ANK3: variants seen among roughly 807,000 people sequenced by gnomAD.
ANK3 encodes ankyrin-3.
In ANK3, 57 loss-of-function variants were observed where a neutral mutation model predicts 370.9. The ratio of observed to expected loss-of-function variants is 0.15; its 90% CI spans 0.12 to 0.19. The LOEUF is 0.19. ANK3 is among the 10% of genes least tolerant of loss of function. The pLI, the probability that ANK3 is intolerant of heterozygous loss-of-function variation, is 1.00. For synonymous variants in ANK3, 1,929 were observed against 1,946.3 expected (o/e 0.99, Z 0.23); for missense variants, 4,439 against 5,302.1 (o/e 0.84, Z 5.06).
chr10:60,583,778 G>A (rs2133283577), intron 2 of ANK3, among the ~76,000 whole-genome samples: 1 of 152,118 alleles, frequency 6.6e-6, no homozygotes, highest in African/African-American at 2.4e-5. Flanking sequence ...TAGAGACAGG[G>A]TTTCACTATG....
intron 8 of ANK3, among the ~76,000 whole-genome samples, chr10:60,230,970 T>C (rs570091959): frequency 1.3e-5 from 2 of 152,134 alleles, no homozygotes; most frequent in East Asian, 1.9e-4. Flanking sequence ...AAGATTCATG[T>C]GCAATCATCC....
At chr10:60,458,317 C>T (rs2064800005) in intron 2 of ANK3, among the ~76,000 whole-genome samples, 1 of 152,056 alleles carries the variant, frequency 6.6e-6, no homozygotes, top group East Asian at 1.9e-4. Context: ...TTGCTAGCAG[C>T]CCAGGTACTC....
Position 60,073,431 on chromosome 10 carries a change from C to T in ANK3, c.7450G>A (p.Val2484Ile), listed in dbSNP as rs748036931. Reference protein sequence around the residue: ...DVSHSDTEESVTDHAGPPSSE... With the variant: ...DVSHSDTEESITDHAGPPSSE... ...CTAGGGGGTCCTGCATGGTCTGTAACCGATTCCTCAGTATCAGAATGAGAC... is the reference window on the plus strand; with the variant it reads ...CTAGGGGGTCCTGCATGGTCTGTAATCGATTCCTCAGTATCAGAATGAGAC... Residue 2484 changes from valine (V) to isoleucine (I), a missense_variant, in exon 37 of 44, where the codon GTT becomes ATT. Around this residue, in one of 13 missense-constraint regions of ANK3, gnomAD observed 1,601 missense variants for 1,731.7 expected, o/e 0.92. Coordinates refer to ENST00000280772, the MANE Select transcript of ANK3 (RefSeq NM_020987.5). 1.2e-6 allele frequency: 2 copies of T among 1,613,902 alleles called. No individual in the cohort carries two copies. The highest frequency in any genetic ancestry group is 1.7e-6 in the Non-Finnish European group (2 of 1,179,962).
chr10:60,293,365 A>C (rs1434903383), intron 1 of ANK3, among the ~76,000 whole-genome samples: 1 of 152,226 alleles, frequency 6.6e-6, no homozygotes, highest in Non-Finnish European at 1.5e-5. Context: ...GTAAGCAAAG[A>C]TAGAGTAACG....
chr10:60,180,806 A>ATT (rs142286927), intron 18 of ANK3, among the ~76,000 whole-genome samples: 7 of 151,044 alleles, frequency 4.6e-5, no homozygotes, highest in African/African-American at 7.3e-5. Context: ...TTAATTAGCA[A>ATT]TTTTTTTTTC....
intron 2 of ANK3, among the ~76,000 whole-genome samples, chr10:60,414,097 ATT>A (rs1313691127): frequency 6.6e-6 from 1 of 152,204 alleles, no homozygotes; most frequent in Non-Finnish European, 1.5e-5. Context: ...AGGCACTGTA[ATT>A]TTGTCTCCAA....
chr10:60,030,671 A>G (rs191681468), intron 43 of ANK3, among the ~76,000 whole-genome samples: 1 of 152,134 alleles, frequency 6.6e-6, no homozygotes, highest in African/African-American at 2.4e-5. Flanking sequence ...ATCATGCCTC[A>G]TTACCCTATG....
intron 2 of ANK3, among the ~76,000 whole-genome samples, chr10:60,437,951 CTATGCTTT>C (rs1269007542): frequency 1.3e-5 from 2 of 152,246 alleles, no homozygotes; most frequent in African/African-American, 2.4e-5. Flanking sequence ...CTCCAAAACT[CTATGCTTT>C]TATTAAATTT....
chr10:60,282,819 C>T (rs1566239056), intron 1 of ANK3, among the ~76,000 whole-genome samples: 1 of 152,126 alleles, frequency 6.6e-6, no homozygotes, highest in African/African-American at 2.4e-5. Context: ...ATAACAACCA[C>T]CCACTTCAAA....
At chr10:60,149,583 A>G (rs1304136906) in intron 23 of ANK3, among the ~76,000 whole-genome samples, 2 of 152,188 alleles carry the variant, frequency 1.3e-5, no homozygotes, top group African/African-American at 4.8e-5. Context: ...AGCTTCTTGG[A>G]GGAAAAAAAT....
At chr10:60,187,686 A>C (rs1003938064) in intron 16 of ANK3, among the ~76,000 whole-genome samples, 1 of 152,150 alleles carries the variant, frequency 6.6e-6, no homozygotes, top group Non-Finnish European at 1.5e-5. Flanking sequence ...ACTGCTTACA[A>C]GTTGAAATTT....
intron 1 of ANK3, among the ~76,000 whole-genome samples, chr10:60,294,799 T>G (rs1024102920): frequency 6.6e-6 from 1 of 152,132 alleles, no homozygotes; most frequent in Non-Finnish European, 1.5e-5. Flanking sequence ...TTGACTAGAT[T>G]TGGAATTGGG....
At chr10:60,571,933 T>G (rs566316179) in intron 2 of ANK3, among the ~76,000 whole-genome samples, 2 of 152,186 alleles carry the variant, frequency 1.3e-5, no homozygotes, top group Admixed American at 6.5e-5. Flanking sequence ...TATGGCTGTA[T>G]GACTGCAGGG....
chr10:60,038,573 T>C (rs77285713), intron 43 of ANK3, among the ~76,000 whole-genome samples: 16,318 of 151,932 alleles, frequency 0.11, 1,198 homozygotes, highest in Non-Finnish European at 0.16. Flanking sequence ...TGGGAGAAAA[T>C]ATTTGCAAAC....
chr10:60,512,670 T>C (rs984372562), intron 2 of ANK3, among the ~76,000 whole-genome samples: 1 of 152,120 alleles, frequency 6.6e-6, no homozygotes, highest in Non-Finnish European at 1.5e-5. Context: ...CTTATGGCAA[T>C]CTGGAAAAAT....
At chr10:60,235,519 G>A (rs900988808) in intron 7 of ANK3, among the ~76,000 whole-genome samples, 2 of 147,840 alleles carry the variant, frequency 1.4e-5, no homozygotes, top group Non-Finnish European at 3.0e-5. Flanking sequence ...GGAAATGTAC[G>A]CATACATCAA....
At chr10:60,304,293 A>G (rs1401793080) in intron 1 of ANK3, among the ~76,000 whole-genome samples, 1 of 152,076 alleles carries the variant, frequency 6.6e-6, no homozygotes, top group Non-Finnish European at 1.5e-5. Flanking sequence ...AAAAATAACT[A>G]TAAAAGGTGA....
chr10:60,145,996 A>G, intron 23 of ANK3: 1 of 1,125,224 alleles, frequency 8.9e-7, no homozygotes, highest in South Asian at 1.3e-5. Context: ...GTACCTTGGG[A>G]ATTTTGTACC....
chr10:60,240,371 T>A (rs186423240), intron 7 of ANK3, among the ~76,000 whole-genome samples: 2 of 148,774 alleles, frequency 1.3e-5, no homozygotes, highest in East Asian at 4.0e-4. Flanking sequence ...ATGGCATGAT[T>A]TCGGCTCACC....
Sources: allele counts gnomAD v4.1 joint callset (sites outside exome capture counted in the v4.1 genomes callset), GRCh38; gene constraint gnomAD v4.1.1; regional missense constraint gnomAD v4.1.1; transcripts MANE v1.5; gene names NCBI Gene and HGNC (gene_info 2026-07-23, HGNC 2026-07-21).